The following BICRAL variants were observed in gnomAD, a reference collection of about 807,000 sequenced individuals.
The protein encoded by BICRAL is BRD4-interacting chromatin-remodeling complex-associated protein-like.
Under a neutral mutation model 91.8 loss-of-function variants are expected in BICRAL, and 8 were observed. That is an observed-to-expected ratio of 0.09 (90% CI 0.05 to 0.16). The LOEUF (loss-of-function observed/expected upper bound fraction) is 0.16. Ranked by LOEUF, BICRAL falls within the 10% of genes least tolerant of loss-of-function variation. The pLI, the probability that BICRAL is intolerant of heterozygous loss-of-function variation, is 1.00. For synonymous variants in BICRAL, 445 were observed against 491.1 expected, an observed-to-expected ratio of 0.91 and a Z score of 1.24; for missense variants, 1,038 against 1,310.9, an observed-to-expected ratio of 0.79 and a Z score of 3.21.
At chr6:42,823,461 T>C (rs551301736) in intron 5 of BICRAL, among the ~76,000 whole-genome samples, 4 of 152,290 alleles carry the variant, frequency 2.6e-5, no homozygotes, top group South Asian at 2.1e-4. Flanking sequence ...TTGAATTATG[T>C]AGACATTTTC....
At chr6:42,806,480 G>T (rs1763709956) in intron 1 of BICRAL, among the ~76,000 whole-genome samples, 1 of 151,948 alleles carries the variant, frequency 6.6e-6, no homozygotes, top group Non-Finnish European at 1.5e-5. Context: ...CCCAGTAGCT[G>T]GGACCACAGG....
At chr6:42,789,392 G>A (rs565837839) in intron 1 of BICRAL, among the ~76,000 whole-genome samples, 34 of 152,240 alleles carry the variant, frequency 2.2e-4, no homozygotes, top group African/African-American at 7.5e-4. Context: ...TACAATCCCA[G>A]CACTTTGGGA....
intron 1 of BICRAL, among the ~76,000 whole-genome samples, chr6:42,783,276 G>C (rs1762988170): frequency 6.6e-6 from 1 of 151,970 alleles, no homozygotes; most frequent in Non-Finnish European, 1.5e-5. Context: ...GCGGAGGACC[G>C]GCGGCCCAGC....
chr6:42,751,734 C>T (rs1052572919), intron 1 of BICRAL, among the ~76,000 whole-genome samples: 7 of 150,524 alleles, frequency 4.7e-5, no homozygotes, highest in African/African-American at 1.2e-4. Flanking sequence ...CTTGGCTCAC[C>T]GCAACCCCCG....
intron 6 of BICRAL, among the ~76,000 whole-genome samples, chr6:42,844,865 G>A (rs1764945231): frequency 6.6e-6 from 1 of 152,168 alleles, no homozygotes; most frequent in African/African-American, 2.4e-5. Context: ...ATTCATTCTA[G>A]AGCATTGCTA....
chr6:42,860,305 G>T lies in BICRAL; in HGVS notation c.2298G>T (p.Arg766Ser). 2 of 1,611,474 alleles carry T rather than the reference G, an allele frequency of 1.2e-6. No homozygotes were observed. The highest frequency in any genetic ancestry group is 1.1e-5 in the South Asian group (1 of 90,964). Reference sequence around the variant, plus strand: ...CAGTTGCCACTCAGCTCCTAAAAAGGACCCAAGCTATGCTTAACAAATACA... The same window carrying T: ...CAGTTGCCACTCAGCTCCTAAAAAGTACCCAAGCTATGCTTAACAAATACA... ...FETVATQLLK[R>S]TQAMLNKYRC... The change falls in exon 11 of 13, where the codon AGG becomes AGT. Residue 766 changes from arginine to serine, a missense_variant. Arg to Ser is a moderately radical substitution (Grantham distance 110). Around this residue, in one of 5 missense-constraint regions of BICRAL, gnomAD observed 294 missense variants for 292.6 expected, o/e 1.00. Transcript: ENST00000314073.
chr6:42,815,208 G>A (rs1224306253), intron 2 of BICRAL, among the ~76,000 whole-genome samples: 1 of 24,610 alleles, frequency 4.1e-5, no homozygotes, highest in Non-Finnish European at 8.1e-5. Flanking sequence ...TTTTTTTTTT[G>A]AGATGGAGTC....
intron 1 of BICRAL, among the ~76,000 whole-genome samples, chr6:42,758,822 C>G (rs1762500466): frequency 6.6e-6 from 1 of 152,050 alleles, no homozygotes; most frequent in Non-Finnish European, 1.5e-5. Context: ...GGAGTACCCA[C>G]TATGTTCTAG....
At chr6:42,771,896 AT>A (rs1168931852) in intron 1 of BICRAL, among the ~76,000 whole-genome samples, 1 of 152,200 alleles carries the variant, frequency 6.6e-6, no homozygotes, top group Admixed American at 6.5e-5. Context: ...TTATTCTCCA[AT>A]ATTCGCATTT....
intron 1 of BICRAL, among the ~76,000 whole-genome samples, chr6:42,755,071 G>T (rs147647965): frequency 1.3e-5 from 2 of 152,186 alleles, no homozygotes; most frequent in Non-Finnish European, 2.9e-5. Flanking sequence ...AGACAGTGAG[G>T]TCTCATGCTG....
intron 6 of BICRAL, among the ~76,000 whole-genome samples, chr6:42,832,526 A>T (rs556266836): frequency 1.3e-5 from 2 of 150,602 alleles, no homozygotes; most frequent in African/African-American, 4.9e-5. Flanking sequence ...AAGATTGCTT[A>T]TGATTAAGGA....
At chr6:42,815,656 T>C (rs535942747) in intron 2 of BICRAL, among the ~76,000 whole-genome samples, 9 of 152,276 alleles carry the variant, frequency 5.9e-5, no homozygotes, top group Admixed American at 2.0e-4. Context: ...TTTGAAGTTT[T>C]GCTGTGAACT....
chr6:42,835,747 A>G (rs1377455198), intron 6 of BICRAL, among the ~76,000 whole-genome samples: 1 of 152,096 alleles, frequency 6.6e-6, no homozygotes, highest in African/African-American at 2.4e-5. Context: ...CAGCCTAGGT[A>G]ACATGGTGAA....
chr6:42,839,098 G>A (rs1157132788), intron 6 of BICRAL, among the ~76,000 whole-genome samples: 2 of 152,030 alleles, frequency 1.3e-5, no homozygotes, highest in African/African-American at 4.8e-5. Context: ...TACTTGGGAC[G>A]CTGAGGCAGG....
intron 12 of BICRAL, among the ~76,000 whole-genome samples, chr6:42,864,167 CA>C (rs113036268): frequency 4.9e-3 from 608 of 124,720 alleles, no homozygotes; most frequent in Admixed American, 7.6e-3. Flanking sequence ...AACTCCGTCT[CA>C]AAAAAAAAAA....
At chr6:42,861,483 A>C (rs1765553901) in intron 11 of BICRAL, among the ~76,000 whole-genome samples, 1 of 152,238 alleles carries the variant, frequency 6.6e-6, no homozygotes, top group South Asian at 2.1e-4. Flanking sequence ...AAGATACCTC[A>C]GAAAATGATA....
At chr6:42,854,634 C>G (rs1765289134) in intron 8 of BICRAL, among the ~76,000 whole-genome samples, 1 of 152,196 alleles carries the variant, frequency 6.6e-6, no homozygotes, top group Admixed American at 6.5e-5. Flanking sequence ...CCTCCCACCT[C>G]AGCTTCCTGA....
intron 1 of BICRAL, among the ~76,000 whole-genome samples, chr6:42,795,045 A>G (rs889069315): frequency 6.6e-6 from 1 of 152,138 alleles, no homozygotes; most frequent in African/African-American, 2.4e-5. Flanking sequence ...AGAATTACGC[A>G]TGAACGACAG....
intron 6 of BICRAL, among the ~76,000 whole-genome samples, chr6:42,832,627 T>TA (rs753652916): frequency 9.3e-5 from 14 of 150,100 alleles, no homozygotes; most frequent in Non-Finnish European, 2.1e-4. Flanking sequence ...ACATCAGACT[T>TA]ACAGAAAAGT....
Sources: allele counts gnomAD v4.1 joint callset (sites outside exome capture counted in the v4.1 genomes callset), GRCh38; gene constraint gnomAD v4.1.1; regional missense constraint gnomAD v4.1.1; transcripts MANE v1.5; gene names NCBI Gene and HGNC (gene_info 2026-07-23, HGNC 2026-07-21).